PPP1R21: variants seen among roughly 807,000 people sequenced by gnomAD.
The protein encoded by PPP1R21 is protein phosphatase 1 regulatory subunit 21.
Under a neutral mutation model 112.8 loss-of-function variants are expected in PPP1R21, and 85 were observed. The observed-to-expected ratio is 0.75, with a 90% CI of 0.63 to 0.90. The LOEUF (loss-of-function observed/expected upper bound fraction) is 0.90, where lower values mean the gene tolerates loss of function less well. Ranked by LOEUF, PPP1R21 falls within the 40% of genes least tolerant of loss-of-function variation. The pLI, the probability that PPP1R21 is intolerant of heterozygous loss-of-function variation, is 0.00. For missense variants in PPP1R21, 1,199 were observed against 901.5 expected (o/e 1.33, Z -4.23); for synonymous variants, 381 against 322.3 (o/e 1.18, Z -1.95).
Position 48,491,149 on chromosome 2 carries a change from C to G in PPP1R21, c.1578C>G (p.Ala526=). The change falls in exon 15 of 22, where the codon GCC becomes GCG. Residue 526 remains alanine, a synonymous_variant. Transcript: ENST00000294952. ...CMLQYKKKAA[A]YMKSLRKPLL... ...TACAGTATAAGAAAAAAGCTGCTGC[C>G]TATATGAAGTCTTTGAGAAAGGTTT... 6.2e-7 allele frequency: 1 copy of G among 1,612,174 alleles called. No homozygotes were observed. The highest frequency in any genetic ancestry group is 8.5e-7 in the Non-Finnish European group (1 of 1,179,558).
intron 6 of PPP1R21, among the ~76,000 whole-genome samples, chr2:48,460,804 G>A (rs1667944922): frequency 6.6e-6 from 1 of 152,170 alleles, no homozygotes; most frequent in Non-Finnish European, 1.5e-5. Flanking sequence ...CTTATGTGTT[G>A]TAACGAGAAC....
intron 17 of PPP1R21, among the ~76,000 whole-genome samples, chr2:48,499,244 C>G (rs1435044091): frequency 1.3e-5 from 2 of 152,104 alleles, no homozygotes; most frequent in Admixed American, 1.3e-4. Context: ...CAGGATATCT[C>G]CTTCAAAAAG....
chr2:48,468,286 G>T (rs1011159429), intron 9 of PPP1R21, among the ~76,000 whole-genome samples: 1 of 152,166 alleles, frequency 6.6e-6, no homozygotes, highest in African/African-American at 2.4e-5. Flanking sequence ...TTAGCTCTTA[G>T]GATCATCATC....
At chr2:48,484,167 G>C (rs974805863) in intron 13 of PPP1R21, among the ~76,000 whole-genome samples, 2 of 152,136 alleles carry the variant, frequency 1.3e-5, no homozygotes, top group Admixed American at 6.6e-5. Flanking sequence ...GCCATGCAGA[G>C]ATCTGTTTTG....
intron 17 of PPP1R21, among the ~76,000 whole-genome samples, chr2:48,499,159 C>T (rs1351155395): frequency 6.6e-6 from 1 of 152,022 alleles, no homozygotes; most frequent in Non-Finnish European, 1.5e-5. Flanking sequence ...ACGCAGGCCA[C>T]AGTAACCATC....
rs761223577 is a variant in PPP1R21 at position 48,510,064 on chromosome 2, C to T, written c.2135C>T (p.Ala712Val). Residue 712 changes from alanine to valine, a missense_variant, in exon 20 of 22, where the codon GCA (alanine) becomes GTA (valine). Coordinates refer to ENST00000294952, the MANE Select transcript of PPP1R21 (RefSeq NM_001135629.3). ...GCCTTGGCTGAAAAGTCTAAGGAAG[C>T]ATTGACAGAAGAAATGAAACTTGCC... ...RLALAEKSKE[A>V]LTEEMKLASQ... The T allele has an allele frequency of 1.2e-6, 2 of 1,614,036 alleles. No homozygotes were observed. The highest frequency in any genetic ancestry group is 1.1e-5 in the South Asian group (1 of 91,062).
At chr2:48,444,661 A>T (rs1016869484) in intron 1 of PPP1R21, among the ~76,000 whole-genome samples, 1 of 152,192 alleles carries the variant, frequency 6.6e-6, no homozygotes, top group African/African-American at 2.4e-5. Flanking sequence ...AAACAACATC[A>T]TCTGGGAATG....
intron 3 of PPP1R21, among the ~76,000 whole-genome samples, chr2:48,455,736 C>T (rs1197652169): frequency 2.6e-5 from 4 of 151,978 alleles, no homozygotes; most frequent in East Asian, 2.0e-4. Flanking sequence ...AAGTAGCGGC[C>T]GGGCGCGGTG....
chr2:48,483,603 C>A (rs1263077083), intron 13 of PPP1R21, among the ~76,000 whole-genome samples: 1 of 152,190 alleles, frequency 6.6e-6, no homozygotes, highest in African/African-American at 2.4e-5. Flanking sequence ...TTTATAAGCT[C>A]ATTTAGCAAA....
chr2:48,500,639 C>T lies in PPP1R21; in HGVS notation c.1935+1904C>T, dbSNP rs557257577. 7.2e-5 allele frequency among the ~76,000 whole-genome samples: 11 copies of T among 152,160 alleles called. No homozygotes were observed. The South Asian group carries it at 8.3e-4, about 12-fold the overall frequency. On this transcript the variant is annotated intron_variant, in intron 17 of 21. Coordinates refer to ENST00000294952, the MANE Select transcript of PPP1R21 (RefSeq NM_001135629.3). ...AAAACTTCCTAGTTTGGGCTGGGTG[C>T]GTGGCTTATGCCTGTAATCCTAGCA...
In PPP1R21 at chr2:48,507,317, G is replaced by A. The variant is rs771468015; in HGVS notation, c.2017G>A (p.Ala673Thr). Residue 673 changes from alanine to threonine, a missense_variant, in exon 19 of 22, where the codon GCA becomes ACA. By Grantham distance (58) the Ala-to-Thr change is moderately conservative. Transcript: ENST00000294952. ...AGACTTAATTAAAAATCACTACATG[G>A]CAAGGATAGTGGAACTTACGTCTCA... ...REDLIKNHYMARIVELTSQLQ... is the reference protein window; with the variant it reads ...REDLIKNHYMTRIVELTSQLQ... 12 of 1,589,282 alleles carry A rather than the reference G, an allele frequency of 7.6e-6. No individual in the cohort carries two copies. Among genetic ancestry groups the A allele is most frequent in the Non-Finnish European group, 1.0e-5 (12 of 1,171,520 alleles).
At position 48,471,302 on chromosome 2, in the gene PPP1R21, T is replaced by A; in HGVS notation, c.1023T>A (p.Thr341=). The A allele has an allele frequency of 6.2e-7, 1 of 1,611,852 alleles. No homozygotes were observed. The highest frequency in any genetic ancestry group is 1.3e-5 in the African/African-American group (1 of 74,904). The change falls in exon 11 of 22, where the codon ACT becomes ACA. Residue 341 remains threonine, a synonymous_variant. Transcript: ENST00000294952. Reference sequence around the variant, plus strand: ...AGGAGACAACTGTGAAATTGAAAACTTTTTCAGAACACTTAACCTCCTACA... The same window carrying A: ...AGGAGACAACTGTGAAATTGAAAACATTTTCAGAACACTTAACCTCCTACA... ...TVLETTVKLK[T]FSEHLTSYIC...
In PPP1R21 at chr2:48,454,684, G is replaced by A. The variant is rs1265784967; in HGVS notation, c.216G>A (p.Arg72=). Reference sequence around the variant, plus strand: ...TTCGAAATCTGCAGCTTGCCAAGAGGGTAGAACTACTTCAAGATGAACTAG... The same window carrying A: ...TTCGAAATCTGCAGCTTGCCAAGAGAGTAGAACTACTTCAAGATGAACTAG... ...LTFRNLQLAK[R]VELLQDELAL... is the part of the protein sequence containing the mutation. Residue 72 remains arginine, a synonymous_variant, in exon 3 of 22, where the codon AGG becomes AGA. Transcript: ENST00000294952. The A allele has an allele frequency of 1.9e-6, 3 of 1,613,954 alleles. No individual in the cohort carries two copies. Among genetic ancestry groups the A allele is most frequent in the Non-Finnish European group, 2.5e-6 (3 of 1,180,000 alleles).
Position 48,514,724 on chromosome 2 carries a change from A to C in PPP1R21, c.2323A>C (p.Lys775Gln). 2.5e-6 allele frequency: 4 copies of C among 1,608,854 alleles called. No homozygotes were observed. The highest frequency in any genetic ancestry group is 3.4e-6 in the Non-Finnish European group (4 of 1,176,544). Reference sequence around the variant, plus strand: ...ATTTTTCTTTGCACAGGGGAATTCTAAAAAGAACAAGAGTCGATAGTTTTG... The same window carrying C: ...ATTTTTCTTTGCACAGGGGAATTCTCAAAAGAACAAGAGTCGATAGTTTTG... ...TLKMSSKGNSKKNKSR is the reference protein window; with the variant it reads ...TLKMSSKGNSQKNKSR The change falls in exon 22 of 22, where the codon AAA becomes CAA. Residue 775 changes from lysine (K) to glutamine (Q), a missense_variant. Transcript: ENST00000294952.
chr2:48,491,958 G>C (rs1026062715), intron 15 of PPP1R21, among the ~76,000 whole-genome samples: 1 of 152,158 alleles, frequency 6.6e-6, no homozygotes, highest in African/African-American at 2.4e-5. Context: ...AGAGCTGCCA[G>C]CTGTCATCAT....
chr2:48,503,549 A>G (rs1488674820), intron 17 of PPP1R21, among the ~76,000 whole-genome samples: 1 of 152,226 alleles, frequency 6.6e-6, no homozygotes, highest in Non-Finnish European at 1.5e-5. Flanking sequence ...GAATATTTTC[A>G]AATTCCTTGA....
intron 11 of PPP1R21, among the ~76,000 whole-genome samples, chr2:48,474,336 T>C (rs760140327): frequency 7.2e-5 from 11 of 152,154 alleles, no homozygotes; most frequent in Non-Finnish European, 1.6e-4. Context: ...TGAGCCGAGA[T>C]TGCGCCACTG....
chr2:48,511,079 G>T (rs905151438), intron 20 of PPP1R21, among the ~76,000 whole-genome samples: 1 of 152,090 alleles, frequency 6.6e-6, no homozygotes, highest in South Asian at 2.1e-4. Flanking sequence ...GTTTGGGGGG[G>T]ACATGGTATT....
At chr2:48,454,844 T>G in intron 3 of PPP1R21, 103 bp downstream of exon 3, 3 of 924,532 alleles carry the variant, frequency 3.2e-6, no homozygotes, top group Non-Finnish European at 5.1e-6. Context: ...AATTATTTTT[T>G]TCTTTGTTTG....
Sources: allele counts gnomAD v4.1 joint callset (sites outside exome capture counted in the v4.1 genomes callset), GRCh38; gene constraint gnomAD v4.1.1; transcripts MANE v1.5; gene names NCBI Gene and HGNC (gene_info 2026-07-23, HGNC 2026-07-21).